The following NUP88 variants were observed in gnomAD, a reference collection of about 807,000 sequenced individuals.
NUP88 encodes the protein nuclear pore complex protein Nup88.
In NUP88, 57 loss-of-function variants were observed where a neutral mutation model predicts 93.9. The observed-to-expected ratio is 0.61, with a 90% CI of 0.49 to 0.76. The LOEUF (loss-of-function observed/expected upper bound fraction) is 0.76, where lower values mean the gene tolerates loss of function less well. NUP88 is among the 30% of genes least tolerant of loss of function. NUP88 has a pLI of 0.00. For missense variants in NUP88, 911 were observed against 901.0 expected (o/e 1.01, Z -0.14); for synonymous variants, 346 against 336.8 (o/e 1.03, Z -0.30).
Position 5,386,760 on chromosome 17 carries a change from T to C in NUP88, c.2110A>G (p.Ile704Val), listed in dbSNP as rs923521265. ...TTTCGCTGGTAGGCACTGAGAATAA[T>C]GGTGGGTTTTGGAAGACTCAACACC... ...EKVLSLPKPT[I>V]ILSAYQRKCI... The change falls in exon 16 of 17, where the codon ATT (isoleucine) becomes GTT (valine). Residue 704 changes from isoleucine (I) to valine (V), a missense_variant. By Grantham distance (29) the Ile-to-Val change is conservative (BLOSUM62 3). Coordinates refer to ENST00000573584, the MANE Select transcript of NUP88 (RefSeq NM_002532.6). The C allele has an allele frequency of 1.9e-6, 3 of 1,614,080 alleles. No homozygotes were observed. Among genetic ancestry groups the C allele is most frequent in the Non-Finnish European group, 2.5e-6 (3 of 1,179,942 alleles).
At position 5,419,558 on chromosome 17, in the gene NUP88, C is replaced by CT; in HGVS notation, c.92_93insA (p.Lys32GlufsTer9). 1 of 1,612,806 alleles carries CT rather than the reference C, an allele frequency of 6.2e-7. No individual in the cohort carries two copies. Among genetic ancestry groups the CT allele is most frequent in the Non-Finnish European group, 8.5e-7 (1 of 1,179,176 alleles). ...CAGCTTCGGTTGGACTCTGGTTTTT[C>CT]AGTCCCTCCCGGAGCCGCAAGAACA... is the stretch of plus-strand genomic sequence containing the variant. On this transcript the variant is annotated frameshift_variant, in exon 1 of 17. Coordinates refer to ENST00000573584, the MANE Select transcript of NUP88 (RefSeq NM_002532.6). LOFTEE classifies it high-confidence loss of function.
intron 9 of NUP88, among the ~76,000 whole-genome samples, chr17:5,393,042 T>A (rs1912541727): frequency 6.6e-6 from 1 of 151,768 alleles, no homozygotes. Flanking sequence ...AGCCTCCACC[T>A]CCCAGGGTCA....
At chr17:5,415,004 ATTAT>A (rs1467128712) in intron 2 of NUP88, among the ~76,000 whole-genome samples, 20 of 149,484 alleles carry the variant, frequency 1.3e-4, no homozygotes, top group African/African-American at 4.5e-4. Context: ...AATAATTTAA[ATTAT>A]TTATTTAAAT....
intron 7 of NUP88, among the ~76,000 whole-genome samples, chr17:5,401,684 T>C (rs1001919338): frequency 6.6e-6 from 1 of 152,240 alleles, no homozygotes; most frequent in Non-Finnish European, 1.5e-5. Context: ...AATTAAAATA[T>C]TGAAAATTTT....
chr17:5,392,476 CT>C (rs1912499850), intron 9 of NUP88, among the ~76,000 whole-genome samples: 2 of 152,074 alleles, frequency 1.3e-5, no homozygotes, highest in Admixed American at 1.3e-4. Context: ...TCCCATTTAC[CT>C]TTTTGGACAA....
At chr17:5,413,454 C>A (rs1217649024) in intron 3 of NUP88, among the ~76,000 whole-genome samples, 3 of 152,118 alleles carry the variant, frequency 2.0e-5, no homozygotes, top group African/African-American at 7.2e-5. Context: ...TCTGCTGAGT[C>A]CCCCCAATAA....
Position 5,408,714 on chromosome 17 carries a change from G to A in NUP88, c.857+19C>T. ...CCAAACTGAGTTTTCATTTCAGGTGGGTGACCACCTCAACTTACCTGTGTA... is the reference window on the plus strand; with the variant it reads ...CCAAACTGAGTTTTCATTTCAGGTGAGTGACCACCTCAACTTACCTGTGTA... On this transcript the variant is annotated intron_variant, in intron 5 of 16. Coordinates refer to ENST00000573584, the MANE Select transcript of NUP88 (RefSeq NM_002532.6). The A allele has an allele frequency of 1.3e-6, 2 of 1,560,570 alleles. No homozygotes were observed. Among genetic ancestry groups the A allele is most frequent in the Non-Finnish European group, 8.7e-7 (1 of 1,154,146 alleles).
chr17:5,416,377 C>A (rs1487498118), intron 2 of NUP88, 136 bp downstream of exon 2: 3 of 564,444 alleles, frequency 5.3e-6, no homozygotes, highest in Non-Finnish European at 8.9e-6. Context: ...ATTGATAACA[C>A]AGAAGCCAGT....
rs1913859220 is a variant in NUP88 at position 5,411,787 on chromosome 17, T to G, written c.594-998A>C. On this transcript the variant is annotated intron_variant, in intron 3 of 16. Coordinates refer to ENST00000573584, the MANE Select transcript of NUP88 (RefSeq NM_002532.6). ...AAATCCAGTGTCCCTTATAATCACT[T>G]ATTTTGTCTGACGCCACTAAGAATT... Among the ~76,000 whole-genome samples, 5 of 152,180 alleles carry G rather than the reference T, an allele frequency of 3.3e-5. No homozygotes were observed. In the South Asian group the frequency reaches 8.3e-4, roughly 25 times the overall value.
rs1051816450 is a variant in NUP88, at chr17:5,409,021, A to G, written c.681-112T>C. The G allele has an allele frequency of 8.0e-6, 7 of 870,968 alleles. No individual in the cohort carries two copies. The African/African-American group carries it at 8.7e-5, about 11-fold the overall frequency. 54.0% of individuals were successfully genotyped at this position (870,968 alleles called of 1,614,324 possible). A position where few individuals can be genotyped will look rare whatever the true frequency, so the allele number is the denominator to read the frequency against. On this transcript the variant is annotated intron_variant, in intron 4 of 16. Transcript: ENST00000573584. ...GTCTAATAACAGGAGGTGGGTATGT[A>G]TGGAATTTGTAGGCAATGGACTGAA... is the stretch of plus-strand genomic sequence containing the variant.
chr17:5,385,764 T>C lies in NUP88; in HGVS notation c.*442A>G. 4 of 233,546 alleles carry C rather than the reference T, an allele frequency of 1.7e-5. No individual in the cohort carries two copies. Among genetic ancestry groups the C allele is most frequent in the Non-Finnish European group, 3.4e-5 (4 of 118,626 alleles). The allele number at this position is 233,546 out of a possible 1,614,324, so 14.5% of individuals were successfully genotyped here. ...CCATTTGTTAACTGTACTGAAGGTG[T>C]GTCCTCAAGAAGAAAGTGTTCAAAT... On this transcript the variant is annotated 3_prime_UTR_variant, in exon 17 of 17. Transcript: ENST00000573584.
In NUP88 at chr17:5,387,589, T is replaced by C; in HGVS notation, c.1835+16A>G. The C allele has an allele frequency of 6.2e-7, 1 of 1,609,784 alleles. No individual in the cohort carries two copies. Among genetic ancestry groups the C allele is most frequent in the South Asian group, 1.1e-5 (1 of 90,944 alleles). ...TCTTACTGACCTATTGTATTCTTCT[T>C]ATTTTTGACACTTACCTCTCTTCTC... On this transcript the variant is annotated intron_variant, in intron 13 of 16. Coordinates refer to ENST00000573584, the MANE Select transcript of NUP88 (RefSeq NM_002532.6).
At chr17:5,389,646 C>T (rs1038865319) in intron 10 of NUP88, among the ~76,000 whole-genome samples, 2 of 151,644 alleles carry the variant, frequency 1.3e-5, no homozygotes, top group African/African-American at 4.9e-5. Context: ...TGTGGTGGCA[C>T]ACATCTGTAA....
chr17:5,416,725 T>A (rs757310386), intron 1 of NUP88, 43 bp from the exon 2 acceptor site: 5 of 1,473,414 alleles, frequency 3.4e-6, no homozygotes, highest in African/African-American at 1.4e-5. Flanking sequence ...AATTTTAATT[T>A]AAATATAGGT....
chr17:5,414,010 T>C lies in NUP88; in HGVS notation c.592A>G (p.Arg198Gly), dbSNP rs775248887. ...TCAAGAGAGAGAAATAAAATTTACC[T>C]GATTACGTTGTCTGATGTTAACAGC... ...VVLLTSDNVI[R>G]IYSLREPQTP... The change falls in exon 3 of 17, where the codon AGA becomes GGA. Residue 198 changes from arginine to glycine, a missense_variant and splice_region_variant. Coordinates refer to ENST00000573584, the MANE Select transcript of NUP88 (RefSeq NM_002532.6). 4 of 1,613,450 alleles carry C rather than the reference T, an allele frequency of 2.5e-6. No homozygotes were observed. In the Admixed American group the frequency reaches 5.0e-5, roughly 20 times the overall value.
chr17:5,410,212 G>C (rs1913751143), intron 4 of NUP88, among the ~76,000 whole-genome samples: 1 of 152,082 alleles, frequency 6.6e-6, no homozygotes, highest in South Asian at 2.1e-4. Context: ...CTAATACTTT[G>C]ATCTATTTTT....
chr17:5,411,261 G>C, intron 3 of NUP88, among the ~76,000 whole-genome samples: 1 of 152,202 alleles, frequency 6.6e-6, no homozygotes, highest in Non-Finnish European at 1.5e-5. Flanking sequence ...TTATGTGTTT[G>C]TTATATAAAA....
chr17:5,387,220 G>A (rs908123540), intron 14 of NUP88, 110 bp from the exon 15 acceptor site: 18 of 1,347,866 alleles, frequency 1.3e-5, no homozygotes, highest in Non-Finnish European at 1.9e-5. Context: ...AGGCCCCATA[G>A]GAAGGGTTAG....
intron 9 of NUP88, 78 bp downstream of exon 9, chr17:5,394,813 G>C (rs1489827861): frequency 1.1e-6 from 1 of 935,390 alleles, no homozygotes; most frequent in African/African-American, 1.6e-5. Flanking sequence ...GTGGATGTGA[G>C]TGTAACGGAT....
Sources: allele counts gnomAD v4.1 joint callset (sites outside exome capture counted in the v4.1 genomes callset), GRCh38; gene constraint gnomAD v4.1.1; transcripts MANE v1.5; gene names NCBI Gene and HGNC (gene_info 2026-07-23, HGNC 2026-07-21).